The following WIPI2 variants were observed in gnomAD, a reference collection of about 807,000 sequenced individuals.
WIPI2 encodes WD repeat domain, phosphoinositide interacting 2, also known as WD repeat domain phosphoinositide-interacting protein 2.
A neutral mutation model predicts 52.3 loss-of-function variants in WIPI2; 28 were observed. The observed-to-expected ratio is 0.54, with a 90% CI of 0.40 to 0.73. The LOEUF is 0.73. Among genes scored for constraint, WIPI2 ranks in the 30% least tolerant of loss-of-function variants. The pLI is 0.00. For synonymous variants in WIPI2, 268 were observed against 245.0 expected, an observed-to-expected ratio of 1.09 and a Z score of -0.88; for missense variants, 506 against 602.9, an observed-to-expected ratio of 0.84 and a Z score of 1.68.
intron 3 of WIPI2, among the ~76,000 whole-genome samples, chr7:5,206,713 C>T (rs1442436511): frequency 6.6e-6 from 1 of 152,178 alleles, no homozygotes; most frequent in Non-Finnish European, 1.5e-5. Context: ...CTTCCCTTGA[C>T]ATTTTACTAT....
intron 1 of WIPI2, among the ~76,000 whole-genome samples, chr7:5,191,698 C>T (rs1243373845): frequency 6.6e-6 from 1 of 152,084 alleles, no homozygotes; most frequent in Non-Finnish European, 1.5e-5. Context: ...AGGAGTGGGG[C>T]ATTTGGCATC....
At chr7:5,229,882 A>G in intron 12 of WIPI2, 144 bp downstream of exon 12, 1 of 1,192,704 alleles carries the variant, frequency 8.4e-7, no homozygotes, top group East Asian at 2.7e-5. Context: ...AGGTTGGTAA[A>G]TGGGTGTTCC....
intron 3 of WIPI2, chr7:5,214,176 A>T: frequency 6.1e-6 from 6 of 978,128 alleles, no homozygotes; most frequent in South Asian, 1.8e-5. Context: ...GCAGTTTCGT[A>T]GTAGTTTGTG....
intron 7 of WIPI2, among the ~76,000 whole-genome samples, chr7:5,222,300 T>G (rs1313602299): frequency 6.6e-6 from 1 of 152,244 alleles, no homozygotes; most frequent in Non-Finnish European, 1.5e-5. Context: ...AACAATAGAA[T>G]GATATGCCAC....
Position 5,226,087 on chromosome 7 carries a change from G to C in WIPI2, c.848+157G>C, listed in dbSNP as rs1562407517. 6 of 683,092 alleles carry C rather than the reference G, an allele frequency of 8.8e-6. No individual in the cohort carries two copies. In the African/African-American group the frequency reaches 1.1e-4, roughly 12 times the overall value. 42.3% of individuals were successfully genotyped at this position (683,092 alleles called of 1,614,324 possible). Reference sequence around the variant, plus strand: ...CATGGAGCGAGCACCTCCGCATCCAGGCTCGGCAGTGAGGAGGATGGGCCC... The same window carrying C: ...CATGGAGCGAGCACCTCCGCATCCACGCTCGGCAGTGAGGAGGATGGGCCC... On this transcript the variant is annotated intron_variant, in intron 9 of 12. Coordinates refer to ENST00000288828, the MANE Select transcript of WIPI2 (RefSeq NM_015610.4).
At position 5,227,096 on chromosome 7, in the gene WIPI2, A is replaced by C; in HGVS notation, c.849-84A>C. ...AATGGAGACTTTTGCTGTCGGCTCC[A>C]GAGCTGTGCGTCTGTGTGAGTAGGG... is the stretch of plus-strand genomic sequence containing the variant. On this transcript the variant is annotated intron_variant, in intron 9 of 12. Coordinates refer to ENST00000288828, the MANE Select transcript of WIPI2 (RefSeq NM_015610.4). The surrounding 1 kb of genome is among the most constrained non-coding windows in gnomAD (Gnocchi z 8.1). 1 of 1,555,224 alleles carries C rather than the reference A, an allele frequency of 6.4e-7. No homozygotes were observed. Among genetic ancestry groups the C allele is most frequent in the South Asian group, 1.2e-5 (1 of 85,434 alleles).
intron 7 of WIPI2, among the ~76,000 whole-genome samples, chr7:5,219,549 G>T (rs867257225): frequency 3.3e-5 from 5 of 152,094 alleles, no homozygotes; most frequent in Admixed American, 2.6e-4. Flanking sequence ...TCCCAGCCCC[G>T]CTCTGTCCCA....
At chr7:5,212,505 G>A (rs139746341) in intron 3 of WIPI2, among the ~76,000 whole-genome samples, 35 of 152,262 alleles carry the variant, frequency 2.3e-4, no homozygotes, top group Middle Eastern at 3.4e-3. Context: ...CACCAGCCAT[G>A]ATCATCATTC....
At chr7:5,195,308 G>A (rs1260441119) in intron 2 of WIPI2, among the ~76,000 whole-genome samples, 3 of 152,008 alleles carry the variant, frequency 2.0e-5, no homozygotes, top group African/African-American at 7.2e-5. Flanking sequence ...GCAACACAGG[G>A]AGACCTCGAC....
rs192616459 is a variant in WIPI2 at position 5,207,838 on chromosome 7, T to G, written c.212-6697T>G. On this transcript the variant is annotated intron_variant, in intron 3 of 12. Coordinates refer to ENST00000288828, the MANE Select transcript of WIPI2 (RefSeq NM_015610.4). ...TGGAGTGCAGTGGCACAATCTCGGCTCACTGCAACCTCCACCTCTGGGGTT... is the reference window on the plus strand; with the variant it reads ...TGGAGTGCAGTGGCACAATCTCGGCGCACTGCAACCTCCACCTCTGGGGTT... 4.4e-3 allele frequency among the ~76,000 whole-genome samples: 643 copies of G among 144,830 alleles called. 12 individuals carry two copies. Among genetic ancestry groups the G allele is most frequent in the East Asian group, 3.0e-3 (14 of 4,684 alleles).
chr7:5,231,948 CCTTT>C lies in WIPI2; in HGVS notation c.*1004_*1007del, dbSNP rs1783741629. On this transcript the variant is annotated 3_prime_UTR_variant, in exon 13 of 13. Transcript: ENST00000288828. ...CACGTCCTTCACAGGGCGTCATGTG[CCTTT>C]CTATTTTCATCTTAGAAAATTTCCT... is the stretch of plus-strand genomic sequence containing the variant. The C allele has an allele frequency of 1.1e-5, 4 of 368,548 alleles. No individual in the cohort carries two copies. Among genetic ancestry groups the C allele is most frequent in the Non-Finnish European group, 1.4e-5 (3 of 207,156 alleles). The allele number at this position is 368,548 out of a possible 1,614,324, so 22.8% of individuals were successfully genotyped here. A position where few individuals can be genotyped will look rare whatever the true frequency, so the allele number is the denominator to read the frequency against.
At chr7:5,224,624 T>C (rs772201219) in intron 8 of WIPI2, among the ~76,000 whole-genome samples, 4 of 152,112 alleles carry the variant, frequency 2.6e-5, no homozygotes, top group Non-Finnish European at 5.9e-5. Context: ...TGGTCAGAGA[T>C]GAAATGTTAG....
chr7:5,229,801 C>T, intron 12 of WIPI2, 63 bp downstream of exon 12: 13 of 1,593,424 alleles, frequency 8.2e-6, no homozygotes, highest in Non-Finnish European at 1.0e-5. Context: ...CTACTGCCTT[C>T]TGCTGGCTCC....
rs1782165367 is a variant in WIPI2 at position 5,203,905 on chromosome 7, G to T, written c.211+4247G>T. Among the ~76,000 whole-genome samples, 3 of 152,152 alleles carry T rather than the reference G, an allele frequency of 2.0e-5. No individual in the cohort carries two copies. In the South Asian group the frequency reaches 6.2e-4, roughly 31 times the overall value. On this transcript the variant is annotated intron_variant, in intron 3 of 12. Coordinates refer to ENST00000288828, the MANE Select transcript of WIPI2 (RefSeq NM_015610.4). ...CCCAAAGTGCTGGGATTATAGGCGT[G>T]AGCCACCACACCCTGCCACGTTCAG... is the stretch of plus-strand genomic sequence containing the variant.
At chr7:5,229,398 A>G (rs903651037) in intron 11 of WIPI2, 5 of 500,886 alleles carry the variant, frequency 1.0e-5, no homozygotes, top group South Asian at 2.6e-5. Flanking sequence ...CTTGTTAGGT[A>G]TAACTCCCTC....
intron 8 of WIPI2, among the ~76,000 whole-genome samples, chr7:5,225,008 G>A (rs764891701): frequency 3.0e-4 from 46 of 152,098 alleles, no homozygotes; most frequent in Admixed American, 6.6e-4. Flanking sequence ...TTGCTATTAC[G>A]GACAGGGCTA....
At chr7:5,203,468 C>G (rs1238188928) in intron 3 of WIPI2, among the ~76,000 whole-genome samples, 1 of 152,136 alleles carries the variant, frequency 6.6e-6, no homozygotes, top group Non-Finnish European at 1.5e-5. Flanking sequence ...AAGCAACATT[C>G]TTTTTTAAAT....
chr7:5,229,807 G>A (rs1014416382), intron 12 of WIPI2, 69 bp downstream of exon 12: 2 of 1,586,478 alleles, frequency 1.3e-6, no homozygotes, highest in African/African-American at 1.3e-5. Flanking sequence ...CCTTCTGCTG[G>A]CTCCGGAGCC....
chr7:5,214,020 T>C (rs1041662292), intron 3 of WIPI2, among the ~76,000 whole-genome samples: 2 of 152,202 alleles, frequency 1.3e-5, no homozygotes, highest in Non-Finnish European at 2.9e-5. Context: ...TGTCAGCGTT[T>C]TGTGACATGA....
Sources: allele counts gnomAD v4.1 joint callset (sites outside exome capture counted in the v4.1 genomes callset), GRCh38; gene constraint gnomAD v4.1.1; non-coding constraint Gnocchi (gnomAD v3.1); transcripts MANE v1.5; gene names NCBI Gene and HGNC (gene_info 2026-07-23, HGNC 2026-07-21).